Variants in GPHN observed in about 807,000 individuals in gnomAD.
The protein encoded by GPHN is gephyrin.
A neutral mutation model predicts 95.5 loss-of-function variants in GPHN; 17 were observed. That is an observed-to-expected ratio of 0.18 (90% CI 0.12 to 0.27). GPHN has a LOEUF of 0.27. GPHN is among the 10% of genes least tolerant of loss of function. The pLI is 1.00. For synonymous variants in GPHN, 320 were observed against 322.5 expected (o/e 0.99, Z 0.08); for missense variants, 660 against 978.1 (o/e 0.67, Z 4.34).
Position 67,150,453 on chromosome 14 carries a change from C to CAAAAAAAAAAAAAAAAAA in GPHN, c.1836+7007_1836+7024dup, listed in dbSNP as rs1164806975. 2.9e-4 allele frequency among the ~76,000 whole-genome samples: 28 copies of CAAAAAAAAAAAAAAAAAA among 97,986 alleles called. 1 individual carries two copies. Among genetic ancestry groups the CAAAAAAAAAAAAAAAAAA allele is most frequent in the Admixed American group, 1.1e-3 (8 of 7,560 alleles). 64.3% of individuals were successfully genotyped at this position (97,986 alleles called of 152,430 possible). ...GAGACTCCGTCTCAAAAAAAAAAAACAAAAAAAAAAAAAAAAAAAACATTG... is the reference window on the plus strand; with the variant it reads ...GAGACTCCGTCTCAAAAAAAAAAAACAAAAAAAAAAAAAAAAAAAAAAAAAAAAAAAAAAAAAACATTG... On this transcript the variant is annotated intron_variant, in intron 18 of 22. Coordinates refer to ENST00000478722, the MANE Select transcript of GPHN (RefSeq NM_020806.5).
intron 4 of GPHN, among the ~76,000 whole-genome samples, chr14:66,874,145 A>C (rs2063555847): frequency 6.6e-6 from 1 of 152,240 alleles, no homozygotes. Flanking sequence ...AAACTCCAGC[A>C]GACCTGCAGC....
chr14:66,944,863 C>A (rs1000946581), intron 8 of GPHN, among the ~76,000 whole-genome samples: 1 of 152,232 alleles, frequency 6.6e-6, no homozygotes, highest in Admixed American at 6.5e-5. Context: ...CCATTAGGCA[C>A]CCTTGGGCCA....
At chr14:67,268,615 A>G in the GPHN span, among the ~76,000 whole-genome samples, 1 of 152,194 alleles carries the variant, frequency 6.6e-6, no homozygotes, top group Non-Finnish European at 1.5e-5. Context: ...TAACGTTGCC[A>G]TGGCATTTGT....
chr14:67,024,720 C>T (rs913492301), intron 10 of GPHN, among the ~76,000 whole-genome samples: 21 of 152,136 alleles, frequency 1.4e-4, no homozygotes, highest in Non-Finnish European at 2.6e-4. Flanking sequence ...TGACAGCATG[C>T]ATCAAGTATT....
At position 66,734,159 on chromosome 14, in the gene GPHN, G is replaced by A. The variant is rs74348025; in HGVS notation, c.144-42305G>A. ...CAGCCAGAGAAACCTTTTATTAACC[G>A]TAAATCAGACCATGACATTTTTCTT... On this transcript the variant is annotated intron_variant, in intron 2 of 22. Transcript: ENST00000478722. Among the ~76,000 whole-genome samples the A allele has an allele frequency of 1.9e-3, 293 of 152,010 alleles. 6 individuals are homozygous for A. In the East Asian group the frequency reaches 0.052, roughly 27 times the overall value.
intron 4 of GPHN, among the ~76,000 whole-genome samples, chr14:66,856,376 T>A (rs2062804786): frequency 6.6e-6 from 1 of 152,162 alleles, no homozygotes; most frequent in South Asian, 2.1e-4. Flanking sequence ...AATTATTATT[T>A]GTCTCCAAAT....
rs367922046 is a variant in GPHN, at chr14:67,058,779, T to C, written c.1137T>C (p.Asn379=). ...MTPVLGTEII[N]YRDGMGRVLA... ...CGGTGCTTGGGACAGAAATCATCAATTACCGAGGTACTATTATATTTGACC... is the reference window on the plus strand; with the variant it reads ...CGGTGCTTGGGACAGAAATCATCAACTACCGAGGTACTATTATATTTGACC... Residue 379 remains asparagine (N), a synonymous_variant, in exon 11 of 23, where the codon AAT becomes AAC. Coordinates refer to ENST00000478722, the MANE Select transcript of GPHN (RefSeq NM_020806.5). 4 of 1,613,568 alleles carry C rather than the reference T, an allele frequency of 2.5e-6. No individual in the cohort carries two copies.
the GPHN span, among the ~76,000 whole-genome samples, chr14:67,676,074 G>A: frequency 9.7e-4 from 148 of 152,286 alleles, 1 homozygote; most frequent in African/African-American, 3.4e-3. Flanking sequence ...TCCAGCCTGG[G>A]TGACAGAGAA....
chr14:67,031,807 C>G (rs1251528786), intron 10 of GPHN, among the ~76,000 whole-genome samples: 2 of 152,040 alleles, frequency 1.3e-5, no homozygotes, highest in African/African-American at 2.4e-5. Context: ...TCTTATTTCT[C>G]TTATTTTTCT....
chr14:67,491,785 C>T, the GPHN span, among the ~76,000 whole-genome samples: 1 of 152,182 alleles, frequency 6.6e-6, no homozygotes, highest in Non-Finnish European at 1.5e-5. Context: ...ACTTCCTACA[C>T]CAAGGAGGGG....
chr14:66,711,680 G>T (rs1047701240), intron 2 of GPHN, among the ~76,000 whole-genome samples: 1 of 150,748 alleles, frequency 6.6e-6, no homozygotes, highest in African/African-American at 2.4e-5. Context: ...GTGCCATGTT[G>T]GTTTGCTGCA....
At chr14:67,231,040 T>C in the GPHN span, among the ~76,000 whole-genome samples, 1 of 152,022 alleles carries the variant, frequency 6.6e-6, no homozygotes, top group African/African-American at 2.4e-5. Flanking sequence ...AAAAACACAG[T>C]GTATACAGGG....
the GPHN span, among the ~76,000 whole-genome samples, chr14:67,285,571 G>A: frequency 0.027 from 4,031 of 149,380 alleles, 160 homozygotes; most frequent in African/African-American, 0.093. Flanking sequence ...GGGTTTCACC[G>A]TGTTAGCCAG....
intron 1 of GPHN, among the ~76,000 whole-genome samples, chr14:66,519,351 G>T (rs1594797826): frequency 6.6e-6 from 1 of 151,824 alleles, no homozygotes; most frequent in Non-Finnish European, 1.5e-5. Context: ...TCATATATTT[G>T]ATATATTTGA....
the GPHN span, among the ~76,000 whole-genome samples, chr14:67,375,232 CTGTGTGTGTGTGTGTGTGTGTGTG>C: frequency 0.013 from 1,812 of 137,670 alleles, 17 homozygotes; most frequent in Middle Eastern, 0.022. Context: ...ATCCTCAGTT[CTGTGTGTGTGTGTGTGTGTGTGTG>C]TGTGTGTGTG....
chr14:66,589,451 A>G (rs1008644057), intron 1 of GPHN, among the ~76,000 whole-genome samples: 1 of 152,012 alleles, frequency 6.6e-6, no homozygotes, highest in Non-Finnish European at 1.5e-5. Flanking sequence ...AAATTGGATA[A>G]AGAGTCAGGA....
the GPHN span, among the ~76,000 whole-genome samples, chr14:67,326,076 C>T: frequency 1.8e-4 from 27 of 148,792 alleles, no homozygotes; most frequent in African/African-American, 6.2e-4. Context: ...CCAGCCTCCT[C>T]GGCCTCCCAA....
intron 4 of GPHN, among the ~76,000 whole-genome samples, chr14:66,849,533 T>G (rs905223674): frequency 6.6e-6 from 1 of 152,072 alleles, no homozygotes; most frequent in Non-Finnish European, 1.5e-5. Context: ...TAATCATTGT[T>G]AATCTTACCA....
chr14:67,665,011 G>A, the GPHN span, among the ~76,000 whole-genome samples: 1 of 152,134 alleles, frequency 6.6e-6, no homozygotes, highest in Non-Finnish European at 1.5e-5. Context: ...GGTTACAGGA[G>A]TGCACCACCA....
Sources: allele counts gnomAD v4.1 joint callset (sites outside exome capture counted in the v4.1 genomes callset), GRCh38; gene constraint gnomAD v4.1.1; transcripts MANE v1.5; gene names NCBI Gene and HGNC (gene_info 2026-07-23, HGNC 2026-07-21).